Variants in VPS13B observed in about 807,000 individuals in gnomAD.
VPS13B encodes vacuolar protein sorting 13 homolog B, also known as intermembrane lipid transfer protein VPS13B.
VPS13B carries 285 observed loss-of-function variants against 426.4 expected under a neutral mutation model. That is an observed-to-expected ratio of 0.67 (90% CI 0.61 to 0.74). The LOEUF (loss-of-function observed/expected upper bound fraction) is 0.74. VPS13B is among the 30% of genes least tolerant of loss of function. The probability of loss-of-function intolerance (pLI) is 0.00; values close to 1 mark genes in which losing one functional copy is unlikely to be tolerated. For missense variants in VPS13B, 4,537 were observed against 4,782.6 expected, an observed-to-expected ratio of 0.95 and a Z score of 1.51; for synonymous variants, 1,676 against 1,676.4, an observed-to-expected ratio of 1.00 and a Z score of 0.01.
At chr8:99,717,077 A>ATGAAT in intron 36 of VPS13B, 94 bp from the exon 37 acceptor site, 1 of 1,246,554 alleles carries the variant, frequency 8.0e-7, no homozygotes, top group Admixed American at 2.0e-5. Context: ...CTGACAAAGG[A>ATGAAT]TGAATTAATA....
chr8:99,780,498 A>T (rs978320686), intron 42 of VPS13B, among the ~76,000 whole-genome samples: 25 of 152,284 alleles, frequency 1.6e-4, no homozygotes, highest in Admixed American at 1.5e-3. Flanking sequence ...TTTAAACCAC[A>T]TCAGAGTGTG....
chr8:99,568,525 A>G (rs1314866499), intron 31 of VPS13B, among the ~76,000 whole-genome samples: 1 of 151,970 alleles, frequency 6.6e-6, no homozygotes, highest in Middle Eastern at 3.2e-3. Context: ...TCCAGGCCTC[A>G]GGCAATCCAC....
chr8:99,555,615 C>G (rs1354800439), intron 30 of VPS13B, among the ~76,000 whole-genome samples: 2 of 152,124 alleles, frequency 1.3e-5, no homozygotes, highest in African/African-American at 2.4e-5. Flanking sequence ...AAAAAAGCCC[C>G]AAATTCAGGC....
chr8:99,334,770 T>C (rs975589839), intron 19 of VPS13B, among the ~76,000 whole-genome samples: 1 of 152,156 alleles, frequency 6.6e-6, no homozygotes, highest in Non-Finnish European at 1.5e-5. Context: ...CAGTATTTTA[T>C]TGAGGATTTT....
chr8:99,074,522 AT>A (rs2132344445), intron 3 of VPS13B, among the ~76,000 whole-genome samples: 1 of 151,742 alleles, frequency 6.6e-6, no homozygotes, highest in South Asian at 2.1e-4. Flanking sequence ...AAAAAAAAAA[AT>A]TCTACCTGAT....
chr8:99,308,136 T>A (rs889628745), intron 19 of VPS13B, among the ~76,000 whole-genome samples: 63 of 152,164 alleles, frequency 4.1e-4, no homozygotes, highest in African/African-American at 1.4e-3. Context: ...TTTGATTTTT[T>A]AAAATTTCGT....
rs567410481 is a variant in VPS13B, at chr8:99,279,808, C to T, written c.2824+4554C>T. On this transcript the variant is annotated intron_variant, in intron 19 of 61. Transcript: ENST00000357162. ...CTTTTGATATGGAGTCTCGTACTGT[C>T]GCCCAGGCTGGAGTGCAGTGGCGCG... 1.3e-4 allele frequency among the ~76,000 whole-genome samples: 20 copies of T among 151,440 alleles called. No individual in the cohort carries two copies. In the East Asian group the frequency reaches 2.6e-3, roughly 19 times the overall value.
intron 23 of VPS13B, among the ~76,000 whole-genome samples, chr8:99,466,884 A>G (rs919823008): frequency 6.6e-6 from 1 of 152,154 alleles, no homozygotes; most frequent in Admixed American, 6.6e-5. Context: ...CCATGGCAAG[A>G]TCTATGGTCA....
chr8:99,252,105 A>C lies in VPS13B; in HGVS notation c.2516-22093A>C, dbSNP rs190098550. Reference sequence around the variant, plus strand: ...CTGCTATCTTTGTTATTTTTTGTCCATGCTTACTTTGGTTTTATTTTGCTT... The same window carrying C: ...CTGCTATCTTTGTTATTTTTTGTCCCTGCTTACTTTGGTTTTATTTTGCTT... On this transcript the variant is annotated intron_variant, in intron 17 of 61. Transcript: ENST00000357162. Among the ~76,000 whole-genome samples the C allele has an allele frequency of 6.4e-4, 97 of 151,716 alleles. No individual in the cohort carries two copies. In the East Asian group the frequency reaches 9.1e-3, roughly 14 times the overall value.
chr8:99,284,048 A>T (rs1422164162), intron 19 of VPS13B, among the ~76,000 whole-genome samples: 1 of 152,200 alleles, frequency 6.6e-6, no homozygotes, highest in African/African-American at 2.4e-5. Flanking sequence ...TTCCCCAAAA[A>T]GTTTAATAAA....
At chr8:99,746,058 C>A (rs1323112778) in intron 39 of VPS13B, among the ~76,000 whole-genome samples, 1 of 151,930 alleles carries the variant, frequency 6.6e-6, no homozygotes, top group Admixed American at 6.6e-5. Flanking sequence ...CCCCTTATGC[C>A]GTTTACTTAT....
intron 19 of VPS13B, among the ~76,000 whole-genome samples, chr8:99,327,904 C>A (rs1039442760): frequency 3.9e-5 from 6 of 152,136 alleles, no homozygotes; most frequent in Non-Finnish European, 5.9e-5. Context: ...AAACAATACA[C>A]AAAATATACC....
In VPS13B at chr8:99,234,458, C is replaced by T. The variant is rs1038344237; in HGVS notation, c.2516-39740C>T. On this transcript the variant is annotated intron_variant, in intron 17 of 61. Coordinates refer to ENST00000357162, the MANE Select transcript of VPS13B (RefSeq NM_152564.5). ...GATTTTCCCATGCAATTCCACTTTA[C>T]CTTGGCCTCGCCGCCGCCCCGCCCC... The T allele has an allele frequency of 6.5e-6, 4 of 611,946 alleles. No homozygotes were observed. The African/African-American group carries it at 7.3e-5, about 11-fold the overall frequency. The allele number at this position is 611,946 out of a possible 1,614,324, so 37.9% of individuals were successfully genotyped here.
Position 99,188,133 on chromosome 8 carries a change from G to C in VPS13B, c.2334-4743G>C, listed in dbSNP as rs190262780. On this transcript the variant is annotated intron_variant, in intron 16 of 61. Coordinates refer to ENST00000357162, the MANE Select transcript of VPS13B (RefSeq NM_152564.5). ...CTAAGAACAGAGTTCTAATACTTTA[G>C]GGACCTAGTTTGTTTTCATTGAGCT... Among the ~76,000 whole-genome samples the C allele has an allele frequency of 6.7e-3, 899 of 134,864 alleles. 6 individuals carry two copies. Among genetic ancestry groups the C allele is most frequent in the Non-Finnish European group, 0.011 (685 of 64,720 alleles). The allele number at this position is 134,864 out of a possible 152,430, so 88.5% of individuals were successfully genotyped here. A position where few individuals can be genotyped will look rare whatever the true frequency, so the allele number is the denominator to read the frequency against.
intron 19 of VPS13B, among the ~76,000 whole-genome samples, chr8:99,316,092 C>T (rs1309048155): frequency 6.6e-6 from 1 of 152,144 alleles, no homozygotes; most frequent in Non-Finnish European, 1.5e-5. Flanking sequence ...GGCCCTGGTG[C>T]TCTGGAAGGC....
At chr8:99,078,182 T>C (rs1221409913) in intron 3 of VPS13B, among the ~76,000 whole-genome samples, 2 of 151,938 alleles carry the variant, frequency 1.3e-5, no homozygotes, top group Non-Finnish European at 2.9e-5. Context: ...GATCTGTTAC[T>C]AGAGAATTAG....
rs1436354189 is a variant in VPS13B at position 99,627,671 on chromosome 8, A to AT, written c.5221-14140_5221-14139insT. 1.7e-4 allele frequency among the ~76,000 whole-genome samples: 26 copies of AT among 152,322 alleles called. No individual in the cohort carries two copies. The East Asian group carries it at 4.1e-3, about 24-fold the overall frequency. Reference sequence around the variant, plus strand: ...AGTGCTGGGATTACAGGTGTGAGCCACCATGCCTGACCTAATTATGCCACA... The same window carrying AT: ...AGTGCTGGGATTACAGGTGTGAGCCATCCATGCCTGACCTAATTATGCCACA... On this transcript the variant is annotated intron_variant, in intron 33 of 61. Coordinates refer to ENST00000357162, the MANE Select transcript of VPS13B (RefSeq NM_152564.5).
chr8:99,817,472 AATG>A, intron 44 of VPS13B, 65 bp from the exon 45 acceptor site: 1 of 1,575,300 alleles, frequency 6.3e-7, no homozygotes, highest in South Asian at 1.1e-5. Flanking sequence ...ACTCTGTTTG[AATG>A]ATAACATATT....
At chr8:99,402,089 T>C (rs1042324504) in intron 21 of VPS13B, among the ~76,000 whole-genome samples, 5 of 152,148 alleles carry the variant, frequency 3.3e-5, no homozygotes, top group African/African-American at 1.2e-4. Flanking sequence ...ACCTCTCATG[T>C]AAAGTTCAGA....
Sources: gnomAD v4.1 joint callset for allele counts (sites outside exome capture counted in the v4.1 genomes callset) on GRCh38, gnomAD v4.1.1 for gene constraint, MANE v1.5 for transcripts, NCBI Gene and HGNC (gene_info 2026-07-23, HGNC 2026-07-21) for gene names.